The following PTPN1 variants were observed in gnomAD, a reference collection of about 807,000 sequenced individuals.
PTPN1 encodes protein tyrosine phosphatase non-receptor type 1, also known as tyrosine-protein phosphatase non-receptor type 1.
Under a neutral mutation model 59.9 loss-of-function variants are expected in PTPN1, and 12 were observed. That is an observed-to-expected ratio of 0.20 (90% confidence interval 0.13 to 0.32). The LOEUF is 0.32. Ranked by LOEUF, PTPN1 falls within the 10% of genes least tolerant of loss-of-function variation. The probability of loss-of-function intolerance (pLI) is 1.00; values close to 1 mark genes in which losing one functional copy is unlikely to be tolerated. For synonymous variants in PTPN1, 178 were observed against 203.6 expected, an observed-to-expected ratio of 0.87 and a Z score of 1.07; for missense variants, 356 against 549.2, an observed-to-expected ratio of 0.65 and a Z score of 3.52.
intron 1 of PTPN1, among the ~76,000 whole-genome samples, chr20:50,547,127 G>T (rs1430121229): frequency 6.6e-6 from 1 of 152,070 alleles, no homozygotes; most frequent in East Asian, 1.9e-4. Flanking sequence ...TCTACCCAAG[G>T]TGAAATTCAT....
chr20:50,578,340 T>G (rs1601415513), intron 5 of PTPN1, 80 bp from the exon 6 acceptor site: 2 of 1,230,562 alleles, frequency 1.6e-6, no homozygotes. Flanking sequence ...GAGTGGAAGG[T>G]GACTCTGTGT....
At chr20:50,546,442 T>C (rs2082676546) in intron 1 of PTPN1, among the ~76,000 whole-genome samples, 1 of 152,228 alleles carries the variant, frequency 6.6e-6, no homozygotes, top group African/African-American at 2.4e-5. Context: ...CTTCAAATAA[T>C]TTTGGGCATT....
chr20:50,558,221 T>C (rs1201030818), intron 1 of PTPN1, among the ~76,000 whole-genome samples: 2 of 152,204 alleles, frequency 1.3e-5, no homozygotes, highest in African/African-American at 2.4e-5. Context: ...ACAGAATGAT[T>C]TTCCACAAGA....
At position 50,510,604 on chromosome 20, in the gene PTPN1, C is replaced by T. The variant is rs1240075816; in HGVS notation, c.63+14C>T. The stretch of plus-strand genomic sequence containing the variant: ...GCCATTTACCAGGTGCGGGAGCGCC[C>T]CGGAGCGTGGCGGGCCCTTCGCTTA... On this transcript the variant is annotated intron_variant, in intron 1 of 9. Transcript: ENST00000371621. 6 of 1,550,550 alleles carry T rather than the reference C, an allele frequency of 3.9e-6. No individual in the cohort carries two copies. In the Admixed American group the frequency reaches 5.9e-5, roughly 15 times the overall value.
chr20:50,552,640 A>G (rs1488892567), intron 1 of PTPN1, among the ~76,000 whole-genome samples: 1 of 152,036 alleles, frequency 6.6e-6, no homozygotes, highest in Non-Finnish European at 1.5e-5. Context: ...ACCAGCCTCA[A>G]ACTGGGTAAT....
chr20:50,561,054 A>G (rs563420584), intron 1 of PTPN1, among the ~76,000 whole-genome samples: 26 of 152,158 alleles, frequency 1.7e-4, no homozygotes, highest in African/African-American at 6.3e-4. Flanking sequence ...CTGCCCACTC[A>G]CTGTTCCTGG....
chr20:50,573,061 G>A (rs1221321656), intron 4 of PTPN1: 1 of 152,314 alleles, frequency 6.6e-6, no homozygotes, highest in Admixed American at 6.5e-5. Context: ...ACAACCTGGT[G>A]TTTCCTAATT....
rs562389699 is a variant in PTPN1, at chr20:50,524,381, T to C, written c.63+13791T>C. ...TCTTTGATTTGTACAAAAAAAATTA[T>C]ATTTTAATATGTAAAGATTTTTTAA... is the stretch of plus-strand genomic sequence containing the variant. On this transcript the variant is annotated intron_variant, in intron 1 of 9. Coordinates refer to ENST00000371621, the MANE Select transcript of PTPN1 (RefSeq NM_002827.4). 3.3e-5 allele frequency among the ~76,000 whole-genome samples: 5 copies of C among 152,220 alleles called. No individual in the cohort carries two copies. In the South Asian group the frequency reaches 1.0e-3, roughly 32 times the overall value.
At chr20:50,553,134 A>G (rs983401244) in intron 1 of PTPN1, among the ~76,000 whole-genome samples, 6 of 152,226 alleles carry the variant, frequency 3.9e-5, no homozygotes, top group African/African-American at 1.4e-4. Context: ...TCCAATATTC[A>G]AAACAGTGCC....
At chr20:50,580,974 A>C (rs1011553009) in intron 8 of PTPN1, among the ~76,000 whole-genome samples, 1 of 152,194 alleles carries the variant, frequency 6.6e-6, no homozygotes, top group Non-Finnish European at 1.5e-5. Context: ...TCCTCCAGCC[A>C]GATAAATCCT....
At position 50,570,292 on chromosome 20, in the gene PTPN1, G is replaced by C. The variant is rs554399921; in HGVS notation, c.354+1814G>C. On this transcript the variant is annotated intron_variant, in intron 4 of 9. Coordinates refer to ENST00000371621, the MANE Select transcript of PTPN1 (RefSeq NM_002827.4). ...GACAGCGCGTGTTTAAAATCATAGG[G>C]GTTTGGTTTGTTTTGTTTTGGGGTT... Among the ~76,000 whole-genome samples, 5 of 152,144 alleles carry C rather than the reference G, an allele frequency of 3.3e-5. 1 individual carries two copies. The highest frequency in any genetic ancestry group is 1.2e-4 in the African/African-American group (5 of 41,490).
At chr20:50,511,986 C>T (rs2082509818) in intron 1 of PTPN1, among the ~76,000 whole-genome samples, 1 of 151,772 alleles carries the variant, frequency 6.6e-6, no homozygotes, top group South Asian at 2.1e-4. Flanking sequence ...TTTTTGGCAG[C>T]CTTGATTTTC....
chr20:50,576,875 A>G (rs2082839592), intron 5 of PTPN1, among the ~76,000 whole-genome samples: 1 of 152,168 alleles, frequency 6.6e-6, no homozygotes, highest in Admixed American at 6.5e-5. Context: ...ACTCTGTCTC[A>G]AAATAATAAT....
At chr20:50,511,298 G>A (rs1568769938) in intron 1 of PTPN1, among the ~76,000 whole-genome samples, 4 of 152,132 alleles carry the variant, frequency 2.6e-5, no homozygotes, top group Non-Finnish European at 5.9e-5. Context: ...TCCTAACGGG[G>A]TACAGGGTGA....
At chr20:50,548,057 C>T (rs2082683624) in intron 1 of PTPN1, among the ~76,000 whole-genome samples, 1 of 152,122 alleles carries the variant, frequency 6.6e-6, no homozygotes, top group African/African-American at 2.4e-5. Context: ...CATCCTGCAG[C>T]TTGACCGTTT....
intron 1 of PTPN1, among the ~76,000 whole-genome samples, chr20:50,543,120 A>C (rs868273366): frequency 6.6e-6 from 1 of 152,260 alleles, no homozygotes; most frequent in Non-Finnish European, 1.5e-5. Context: ...TTTGTTTTAA[A>C]GATCTGCTTA....
intron 1 of PTPN1, among the ~76,000 whole-genome samples, chr20:50,515,789 T>G (rs1020519169): frequency 6.6e-6 from 1 of 152,176 alleles, no homozygotes; most frequent in African/African-American, 2.4e-5. Context: ...TGTTCCTGGC[T>G]CCCACTCTAG....
Position 50,533,177 on chromosome 20 carries a change from A to C in PTPN1, c.63+22587A>C, listed in dbSNP as rs181661482. Among the ~76,000 whole-genome samples the C allele has an allele frequency of 3.6e-3, 555 of 152,256 alleles. 5 individuals are homozygous for C. Among genetic ancestry groups the C allele is most frequent in the Middle Eastern group, 6.8e-3 (2 of 294 alleles). ...CTAAATGTTGTGGCAGAGTTATTAC[A>C]TACTAATTTTGCTATGAGAGGTTGT... On this transcript the variant is annotated intron_variant, in intron 1 of 9. Transcript: ENST00000371621.
At chr20:50,562,136 G>A (rs2082755643) in intron 2 of PTPN1, among the ~76,000 whole-genome samples, 1 of 152,208 alleles carries the variant, frequency 6.6e-6, no homozygotes, top group South Asian at 2.1e-4. Flanking sequence ...TCTCCTCTAG[G>A]CCACAGAGGC....
Sources: allele counts gnomAD v4.1 joint callset (sites outside exome capture counted in the v4.1 genomes callset), GRCh38; gene constraint gnomAD v4.1.1; transcripts MANE v1.5; gene names NCBI Gene and HGNC (gene_info 2026-07-23, HGNC 2026-07-21).